Variants in CTDSPL2 observed in about 807,000 individuals in gnomAD.
CTDSPL2 encodes the protein CTD small phosphatase like 2.
In CTDSPL2, 5 loss-of-function variants were observed where a neutral mutation model predicts 60.0. The observed-to-expected ratio is 0.08, with a 90% CI of 0.04 to 0.18. The LOEUF is 0.18. CTDSPL2 is among the 10% of genes least tolerant of loss of function. CTDSPL2 has a pLI of 1.00. For synonymous variants in CTDSPL2, 186 were observed against 189.3 expected, an observed-to-expected ratio of 0.98 and a Z score of 0.14; for missense variants, 370 against 548.8, an observed-to-expected ratio of 0.67 and a Z score of 3.26.
chr15:44,486,270 T>C (rs2081117443), intron 3 of CTDSPL2, among the ~76,000 whole-genome samples: 1 of 152,242 alleles, frequency 6.6e-6, no homozygotes. Context: ...TTTTGTGTTA[T>C]ACTGTGTTGA....
intron 8 of CTDSPL2, among the ~76,000 whole-genome samples, chr15:44,510,487 C>G (rs962114696): frequency 2.6e-5 from 4 of 151,874 alleles, no homozygotes; most frequent in African/African-American, 9.7e-5. Context: ...ATTTGGTTTA[C>G]TGAGAAAATA....
intron 1 of CTDSPL2, among the ~76,000 whole-genome samples, chr15:44,430,859 T>C (rs1424738836): frequency 6.6e-6 from 1 of 152,024 alleles, no homozygotes; most frequent in Admixed American, 6.6e-5. Flanking sequence ...TTCGCTCTTA[T>C]TGCCCAGGCT....
intron 10 of CTDSPL2, 79 bp downstream of exon 10, chr15:44,514,923 C>A (rs2081623375): frequency 1.2e-6 from 1 of 864,890 alleles, no homozygotes; most frequent in Non-Finnish European, 1.8e-6. Flanking sequence ...TTTTAATGGC[C>A]ATTTTCAGTT....
chr15:44,501,039 AC>A (rs563921319), intron 8 of CTDSPL2, among the ~76,000 whole-genome samples: 1 of 152,096 alleles, frequency 6.6e-6, no homozygotes, highest in Non-Finnish European at 1.5e-5. Flanking sequence ...TTTTCTTAAG[AC>A]CTTTTTTATC....
intron 8 of CTDSPL2, among the ~76,000 whole-genome samples, chr15:44,507,199 C>T (rs1031489942): frequency 2.0e-5 from 3 of 152,132 alleles, no homozygotes; most frequent in African/African-American, 7.2e-5. Flanking sequence ...ATTCTCCTGC[C>T]TCAGCCTTCT....
At chr15:44,463,774 CA>C (rs774933656) in intron 2 of CTDSPL2, among the ~76,000 whole-genome samples, 17 of 152,252 alleles carry the variant, frequency 1.1e-4, no homozygotes, top group Non-Finnish European at 1.8e-4. Context: ...AGTGTCTAGA[CA>C]ATGCTTGCTT....
chr15:44,435,476 A>G (rs1030415141), intron 1 of CTDSPL2, among the ~76,000 whole-genome samples: 3 of 151,248 alleles, frequency 2.0e-5, no homozygotes, highest in Non-Finnish European at 2.9e-5. Flanking sequence ...AGGCTGAGAC[A>G]GGGAATTGCT....
intron 8 of CTDSPL2, among the ~76,000 whole-genome samples, chr15:44,506,302 T>G: frequency 6.6e-6 from 1 of 151,890 alleles, no homozygotes. Context: ...AATGCTGGGA[T>G]TACCGGCATG....
intron 1 of CTDSPL2, among the ~76,000 whole-genome samples, chr15:44,444,302 T>TAC (rs59993417): frequency 0.22 from 29,796 of 136,060 alleles, 3,099 homozygotes; most frequent in Non-Finnish European, 0.25. Context: ...GCTTTTCCCA[T>TAC]ACACACACAC....
intron 2 of CTDSPL2, among the ~76,000 whole-genome samples, chr15:44,472,369 A>G (rs1595732805): frequency 6.6e-6 from 1 of 152,092 alleles, no homozygotes; most frequent in East Asian, 1.9e-4. Context: ...TGTCTTTTTT[A>G]TTATAGCCAT....
At position 44,524,384 on chromosome 15, in the gene CTDSPL2, G is replaced by C. The variant is rs1433895389; in HGVS notation, c.*210G>C. 1.9e-6 allele frequency: 1 copy of C among 529,124 alleles called. No individual in the cohort carries two copies. Among genetic ancestry groups the C allele is most frequent in the Non-Finnish European group, 3.4e-6 (1 of 297,548 alleles). 32.8% of individuals were successfully genotyped at this position (529,124 alleles called of 1,614,324 possible). A position where few individuals can be genotyped will look rare whatever the true frequency, so the allele number is the denominator to read the frequency against. ...ATATAGTAGGTAGGCTAAAACAGAAGAGTCTTTAGAACTAGTGCAACTCCA... is the reference window on the plus strand; with the variant it reads ...ATATAGTAGGTAGGCTAAAACAGAACAGTCTTTAGAACTAGTGCAACTCCA... On this transcript the variant is annotated 3_prime_UTR_variant, in exon 13 of 13. Transcript: ENST00000260327.
intron 1 of CTDSPL2, among the ~76,000 whole-genome samples, chr15:44,447,294 A>G (rs900303404): frequency 2.0e-5 from 3 of 152,220 alleles, no homozygotes; most frequent in African/African-American, 7.2e-5. Flanking sequence ...TTGGAAAAGA[A>G]TAGATTGAGA....
At chr15:44,448,131 G>T (rs2080256385) in intron 1 of CTDSPL2, 1 of 256,762 alleles carries the variant, frequency 3.9e-6, no homozygotes, top group South Asian at 4.1e-5. Flanking sequence ...CAGGAACCAT[G>T]CACTCCACAC....
intron 1 of CTDSPL2, chr15:44,447,438 G>GTAAAAAAGTAAAAAGTAAT (rs2080240737): frequency 6.6e-6 from 1 of 152,222 alleles, no homozygotes; most frequent in Non-Finnish European, 1.5e-5. Flanking sequence ...TAGAACCCCA[G>GTAAAAAAGTAAAAAGTAAT]TCCTTAAAAA....
At chr15:44,443,174 C>A (rs2080127706) in intron 1 of CTDSPL2, among the ~76,000 whole-genome samples, 1 of 152,136 alleles carries the variant, frequency 6.6e-6, no homozygotes. Flanking sequence ...ACTTTTTCAT[C>A]TTCTCAAACG....
intron 2 of CTDSPL2, among the ~76,000 whole-genome samples, chr15:44,461,623 G>T (rs138563539): frequency 7.9e-6 from 1 of 127,294 alleles, no homozygotes; most frequent in Admixed American, 9.8e-5. Context: ...CATTTATATC[G>T]CCCAGGCTGG....
chr15:44,451,877 A>G (rs548593991), intron 1 of CTDSPL2, among the ~76,000 whole-genome samples: 3 of 152,270 alleles, frequency 2.0e-5, no homozygotes, highest in South Asian at 2.1e-4. Flanking sequence ...ATACCTCCCT[A>G]TATATTTGCA....
At chr15:44,493,624 T>C (rs2081251457) in intron 5 of CTDSPL2, among the ~76,000 whole-genome samples, 1 of 152,062 alleles carries the variant, frequency 6.6e-6, no homozygotes, top group Admixed American at 6.6e-5. Flanking sequence ...CGAAACCCTG[T>C]ATCTACAAAA....
At chr15:44,503,767 A>G (rs1270466312) in intron 8 of CTDSPL2, 2 of 152,252 alleles carry the variant, frequency 1.3e-5, no homozygotes, top group Non-Finnish European at 1.5e-5. Context: ...TCTGTTCACC[A>G]ATAAGACTTT....
Sources: allele counts gnomAD v4.1 joint callset (sites outside exome capture counted in the v4.1 genomes callset), GRCh38; gene constraint gnomAD v4.1.1; transcripts MANE v1.5; gene names NCBI Gene and HGNC (gene_info 2026-07-23, HGNC 2026-07-21).